The following RRP15 variants were observed in gnomAD, a reference collection of about 807,000 sequenced individuals.
The protein encoded by RRP15 is RRP15-like protein.
Under a neutral mutation model 27.1 loss-of-function variants are expected in RRP15, and 18 were observed. That is an observed-to-expected ratio of 0.66 (90% CI 0.46 to 0.98). The LOEUF (loss-of-function observed/expected upper bound fraction) is 0.98, where lower values mean the gene tolerates loss of function less well. RRP15 is among the 50% of genes least tolerant of loss of function. The probability of loss-of-function intolerance (pLI) is 0.00; values close to 1 mark genes in which losing one functional copy is unlikely to be tolerated. For synonymous variants in RRP15, 107 were observed against 109.4 expected (o/e 0.98, Z 0.14); for missense variants, 359 against 337.8 (o/e 1.06, Z -0.49).
At chr1:218,317,069 A>G in intron 4 of RRP15, among the ~76,000 whole-genome samples, 1 of 152,180 alleles carries the variant, frequency 6.6e-6, no homozygotes, top group East Asian at 1.9e-4. Flanking sequence ...ACAAGAATTT[A>G]CTTATTAAGA....
At chr1:218,296,057 GA>G (rs1655714023) in intron 1 of RRP15, among the ~76,000 whole-genome samples, 2 of 152,242 alleles carry the variant, frequency 1.3e-5, no homozygotes, top group South Asian at 4.1e-4. Flanking sequence ...TAACTAGGGG[GA>G]TATGTATACT....
chr1:218,301,971 C>G, intron 1 of RRP15: 1 of 268,466 alleles, frequency 3.7e-6, no homozygotes, highest in Middle Eastern at 1.1e-3. Context: ...ATACCTTGCA[C>G]CAACTCCATG....
intron 4 of RRP15, among the ~76,000 whole-genome samples, chr1:218,316,201 A>G (rs1282394778): frequency 6.6e-6 from 1 of 152,226 alleles, no homozygotes; most frequent in Non-Finnish European, 1.5e-5. Flanking sequence ...AAGAATAAGA[A>G]CTAGTTATTA....
Position 218,333,362 on chromosome 1 carries a change from T to C in RRP15, c.*2271T>C, listed in dbSNP as rs1263951489. 2 of 152,048 alleles carry C rather than the reference T, an allele frequency of 1.3e-5. No homozygotes were observed. Among genetic ancestry groups the C allele is most frequent in the African/African-American group, 2.4e-5 (1 of 41,428 alleles). 9.4% of individuals were successfully genotyped at this position (152,048 alleles called of 1,614,324 possible). On this transcript the variant is annotated 3_prime_UTR_variant, in exon 5 of 5. Coordinates refer to ENST00000366932, the MANE Select transcript of RRP15 (RefSeq NM_016052.4). ...GAATGTGCATATTTTAGAAACTAAT[T>C]GTGTATCTTAAGTGAATGTTTTGAG...
intron 4 of RRP15, among the ~76,000 whole-genome samples, chr1:218,310,180 C>G (rs1272978542): frequency 6.6e-6 from 1 of 152,200 alleles, no homozygotes; most frequent in African/African-American, 2.4e-5. Context: ...CTATTGTACT[C>G]TTTCCTCATA....
intron 1 of RRP15, among the ~76,000 whole-genome samples, chr1:218,287,728 T>G (rs145199993): frequency 6.6e-6 from 1 of 152,356 alleles, no homozygotes; most frequent in African/African-American, 2.4e-5. Context: ...ATTGATAATA[T>G]ACTATGTTAT....
At chr1:218,287,142 CTTT>C (rs1214536139) in intron 1 of RRP15, among the ~76,000 whole-genome samples, 2 of 111,402 alleles carry the variant, frequency 1.8e-5, no homozygotes, top group Non-Finnish European at 3.8e-5. Context: ...TTTTTTTTTT[CTTT>C]TTTTTTTTTT....
chr1:218,285,310 C>T lies in RRP15; in HGVS notation c.-7C>T, dbSNP rs756224004. On this transcript the variant is annotated 5_prime_UTR_variant, in exon 1 of 5. Transcript: ENST00000366932. The stretch of plus-strand genomic sequence containing the variant: ...CAACTGTCAGGTGACGCTTCCGGCG[C>T]AGAAAAATGGCAGCCGCCGCTCCGG... 2.5e-6 allele frequency: 4 copies of T among 1,612,980 alleles called. No individual in the cohort carries two copies. Among genetic ancestry groups the T allele is most frequent in the Non-Finnish European group, 3.4e-6 (4 of 1,179,650 alleles).
In RRP15 at chr1:218,336,427, T is replaced by C. The variant is rs1011200394; in HGVS notation, c.*5336T>C. On this transcript the variant is annotated 3_prime_UTR_variant, in exon 5 of 5. Transcript: ENST00000366932. ...TAAACATCAAAGTGAAAACACCAAATTTGTAAGAGGTCAGGACCAACTGGG... is the reference window on the plus strand; with the variant it reads ...TAAACATCAAAGTGAAAACACCAAACTTGTAAGAGGTCAGGACCAACTGGG... The C allele has an allele frequency of 1.8e-4, 27 of 152,744 alleles. No homozygotes were observed. The highest frequency in any genetic ancestry group is 6.5e-4 in the African/African-American group (27 of 41,568). 9.5% of individuals were successfully genotyped at this position (152,744 alleles called of 1,614,324 possible).
intron 1 of RRP15, among the ~76,000 whole-genome samples, chr1:218,286,470 G>A (rs369904836): frequency 7.4e-4 from 112 of 152,318 alleles, no homozygotes; most frequent in Admixed American, 1.3e-3. Context: ...TGCCTTACCA[G>A]AGAGACTTGT....
intron 4 of RRP15, among the ~76,000 whole-genome samples, chr1:218,326,689 GC>G (rs1656278161): frequency 6.6e-6 from 1 of 152,226 alleles, no homozygotes; most frequent in South Asian, 2.1e-4. Context: ...CATTTTGGGA[GC>G]CCAGTGTGAG....
intron 4 of RRP15, among the ~76,000 whole-genome samples, chr1:218,317,670 A>G (rs781762180): frequency 1.1e-4 from 17 of 149,452 alleles, no homozygotes; most frequent in Non-Finnish European, 1.9e-4. Flanking sequence ...TGCATCATGT[A>G]TTTGATGATT....
intron 4 of RRP15, among the ~76,000 whole-genome samples, chr1:218,310,248 C>G (rs969939579): frequency 2.1e-4 from 32 of 152,216 alleles, no homozygotes; most frequent in African/African-American, 7.2e-4. Flanking sequence ...TTTCCCTTCC[C>G]TGGGCTGTAA....
At chr1:218,321,699 T>A (rs969218253) in intron 4 of RRP15, among the ~76,000 whole-genome samples, 1 of 152,170 alleles carries the variant, frequency 6.6e-6, no homozygotes, top group Non-Finnish European at 1.5e-5. Flanking sequence ...ACCAAATTGC[T>A]ACTTCTCTTT....
At chr1:218,300,576 A>G (rs911896427) in intron 1 of RRP15, among the ~76,000 whole-genome samples, 3 of 152,242 alleles carry the variant, frequency 2.0e-5, no homozygotes, top group Admixed American at 1.3e-4. Context: ...TCAGAAGGTA[A>G]TACCTGACTA....
At chr1:218,303,811 A>G (rs1365475571) in intron 2 of RRP15, among the ~76,000 whole-genome samples, 1 of 142,694 alleles carries the variant, frequency 7.0e-6, no homozygotes, top group Non-Finnish European at 1.5e-5. Context: ...TATTTCTTAG[A>G]AGAGAATATG....
Position 218,295,858 on chromosome 1 carries a change from T to A in RRP15, c.140-6436T>A, listed in dbSNP as rs541545141. Reference sequence around the variant, plus strand: ...TTTTCCCATGGTACCACTATCATTTTATTTTTGGTTATTTTTATGGAAACC... The same window carrying A: ...TTTTCCCATGGTACCACTATCATTTAATTTTTGGTTATTTTTATGGAAACC... On this transcript the variant is annotated intron_variant, in intron 1 of 4. Transcript: ENST00000366932. 3.5e-4 allele frequency among the ~76,000 whole-genome samples: 53 copies of A among 152,340 alleles called. No homozygotes were observed. In the South Asian group the frequency reaches 0.01, roughly 29 times the overall value.
chr1:218,307,356 AT>A, intron 3 of RRP15, 74 bp from the exon 4 acceptor site: 1 of 1,303,242 alleles, frequency 7.7e-7, no homozygotes, highest in Non-Finnish European at 1.1e-6. Flanking sequence ...GTGAAAATAC[AT>A]TTTTCCTATC....
chr1:218,310,000 T>G (rs1384939666), intron 4 of RRP15, among the ~76,000 whole-genome samples: 2 of 152,164 alleles, frequency 1.3e-5, no homozygotes, highest in Non-Finnish European at 2.9e-5. Flanking sequence ...TAGGTGAACT[T>G]TTAAGGTAGA....
Sources: allele counts gnomAD v4.1 joint callset (sites outside exome capture counted in the v4.1 genomes callset), GRCh38; gene constraint gnomAD v4.1.1; transcripts MANE v1.5; gene names NCBI Gene and HGNC (gene_info 2026-07-23, HGNC 2026-07-21).